SETBP1: variants seen among roughly 807,000 people sequenced by gnomAD.
The protein encoded by SETBP1 is SET-binding protein.
Under a neutral mutation model 101.0 loss-of-function variants are expected in SETBP1, and 9 were observed. The observed-to-expected ratio is 0.09, with a 90% CI of 0.05 to 0.16. SETBP1 has a LOEUF of 0.16. SETBP1 is among the 10% of genes least tolerant of loss of function. The pLI, the probability that SETBP1 is intolerant of heterozygous loss-of-function variation, is 1.00. For synonymous variants in SETBP1, 818 were observed against 788.5 expected (o/e 1.04, Z -0.63); for missense variants, 1,858 against 2,033.8 (o/e 0.91, Z 1.66).
chr18:44,964,011 T>C (rs1233381889), intron 4 of SETBP1, among the ~76,000 whole-genome samples: 2 of 146,260 alleles, frequency 1.4e-5, no homozygotes, highest in Non-Finnish European at 3.0e-5. Flanking sequence ...ATCCATGAGT[T>C]TGGGCTACAC....
At chr18:44,789,185 A>G (rs2071315548) in intron 2 of SETBP1, among the ~76,000 whole-genome samples, 1 of 152,126 alleles carries the variant, frequency 6.6e-6, no homozygotes, top group Admixed American at 6.5e-5. Context: ...GTGACAGTGG[A>G]TAAGAGGAGA....
chr18:44,876,879 T>C, intron 3 of SETBP1: 1 of 1,398,658 alleles, frequency 7.1e-7, no homozygotes, highest in Non-Finnish European at 9.3e-7. Context: ...CTTCTCTGCC[T>C]GCTAGCTAGA....
chr18:44,829,826 G>A (rs1286671943), intron 2 of SETBP1, among the ~76,000 whole-genome samples: 3 of 152,266 alleles, frequency 2.0e-5, no homozygotes, highest in South Asian at 2.1e-4. Context: ...TGTTGTCAAA[G>A]TATATTTTGC....
At chr18:44,960,712 C>A (rs2071594354) in intron 4 of SETBP1, among the ~76,000 whole-genome samples, 1 of 152,036 alleles carries the variant, frequency 6.6e-6, no homozygotes, top group African/African-American at 2.4e-5. Flanking sequence ...CTTCCCTGAC[C>A]ACTCCCTTTC....
At chr18:44,793,287 T>C (rs1475953287) in intron 2 of SETBP1, among the ~76,000 whole-genome samples, 1 of 152,214 alleles carries the variant, frequency 6.6e-6, no homozygotes, top group African/African-American at 2.4e-5. Context: ...TAAGATTATC[T>C]GGGGAGTTTG....
chr18:44,927,981 G>A lies in SETBP1; in HGVS notation c.541-21900G>A, dbSNP rs138507102. Among the ~76,000 whole-genome samples the A allele has an allele frequency of 7.2e-3, 1,103 of 152,240 alleles. 5 individuals are homozygous for A. Among genetic ancestry groups the A allele is most frequent in the Middle Eastern group, 0.02 (6 of 294 alleles). On this transcript the variant is annotated intron_variant, in intron 3 of 5. Transcript: ENST00000649279. ...GTTCTAGGGTACATATGCACAATGTGCAGCTTTGTTACATATGTATACATG... is the reference window on the plus strand; with the variant it reads ...GTTCTAGGGTACATATGCACAATGTACAGCTTTGTTACATATGTATACATG...
intron 2 of SETBP1, among the ~76,000 whole-genome samples, chr18:44,779,583 G>A (rs529875821): frequency 6.6e-6 from 1 of 152,288 alleles, no homozygotes; most frequent in South Asian, 2.1e-4. Context: ...GGATGAGGAA[G>A]AGAGAAAGGG....
Position 44,947,713 on chromosome 18 carries a change from T to C in SETBP1, c.541-2168T>C, listed in dbSNP as rs141706051. Among the ~76,000 whole-genome samples the C allele has an allele frequency of 8.0e-3, 1,210 of 151,954 alleles. 16 individuals are homozygous for C. The highest frequency in any genetic ancestry group is 0.027 in the African/African-American group (1,135 of 41,440). On this transcript the variant is annotated intron_variant, in intron 3 of 5. Transcript: ENST00000649279. ...TAGGGATGAGGTTTCTCCATGTTGG[T>C]CAGGCTGGTCTTGAACGCCCGACCT...
Position 44,812,308 on chromosome 18 carries a change from T to C in SETBP1, c.487-56922T>C, listed in dbSNP as rs78745952. On this transcript the variant is annotated intron_variant, in intron 2 of 5. Transcript: ENST00000649279. ...CCTAAAATACTTGAATAAATTTATGTTTTTGCAAATTCAATAATTTTTTCT... is the reference window on the plus strand; with the variant it reads ...CCTAAAATACTTGAATAAATTTATGCTTTTGCAAATTCAATAATTTTTTCT... Among the ~76,000 whole-genome samples the C allele has an allele frequency of 5.6e-3, 855 of 152,272 alleles. 5 individuals are homozygous for C. The highest frequency in any genetic ancestry group is 0.015 in the African/African-American group (640 of 41,556).
At chr18:44,959,129 T>A (rs1013110326) in intron 4 of SETBP1, among the ~76,000 whole-genome samples, 4 of 152,156 alleles carry the variant, frequency 2.6e-5, no homozygotes, top group African/African-American at 4.8e-5. Flanking sequence ...CTGGTGAAAG[T>A]TTTTATTTTT....
chr18:44,683,458 G>A (rs2068791218), intron 1 of SETBP1, among the ~76,000 whole-genome samples: 1 of 152,178 alleles, frequency 6.6e-6, no homozygotes, highest in Non-Finnish European at 1.5e-5. Flanking sequence ...GAAATAAATA[G>A]GTAGGTACTT....
intron 4 of SETBP1, among the ~76,000 whole-genome samples, chr18:44,980,110 G>A (rs559015756): frequency 1.3e-5 from 2 of 152,272 alleles, no homozygotes; most frequent in East Asian, 3.9e-4. Context: ...GCAAAGCCAG[G>A]AGCCTATAAT....
chr18:44,786,591 A>G (rs2071243324), intron 2 of SETBP1, among the ~76,000 whole-genome samples: 1 of 152,212 alleles, frequency 6.6e-6, no homozygotes, highest in African/African-American at 2.4e-5. Context: ...CAGGGAAGGG[A>G]AAGATTCCAT....
chr18:44,986,058 C>T (rs1325591787), intron 4 of SETBP1: 6 of 152,128 alleles, frequency 3.9e-5, no homozygotes, highest in East Asian at 1.9e-4. Context: ...TTCTGGTGTG[C>T]GTAACCAGAC....
At chr18:44,909,565 C>A (rs2070255037) in intron 3 of SETBP1, among the ~76,000 whole-genome samples, 1 of 152,192 alleles carries the variant, frequency 6.6e-6, no homozygotes, top group African/African-American at 2.4e-5. Context: ...AGAAAGCAAT[C>A]AAACCACAGC....
intron 4 of SETBP1, among the ~76,000 whole-genome samples, chr18:45,035,639 C>A (rs1219352202): frequency 6.6e-6 from 1 of 152,204 alleles, no homozygotes; most frequent in Non-Finnish European, 1.5e-5. Context: ...CTGTTTATGG[C>A]CTTCATGCCC....
chr18:44,758,288 T>C (rs2144573404), intron 2 of SETBP1, among the ~76,000 whole-genome samples: 1 of 152,330 alleles, frequency 6.6e-6, no homozygotes, highest in Middle Eastern at 3.4e-3. Flanking sequence ...ATCATTTTCT[T>C]TACTAATTGG....
At chr18:44,999,501 T>C (rs922326718) in intron 4 of SETBP1, among the ~76,000 whole-genome samples, 2 of 152,186 alleles carry the variant, frequency 1.3e-5, no homozygotes, top group African/African-American at 4.8e-5. Flanking sequence ...GAGTGATACC[T>C]GAAGAAAAAA....
At chr18:44,809,603 A>T (rs1308007915) in intron 2 of SETBP1, among the ~76,000 whole-genome samples, 1 of 152,176 alleles carries the variant, frequency 6.6e-6, no homozygotes, top group Admixed American at 6.5e-5. Context: ...AGGCTCTGTC[A>T]AGCAATTTGT....
Sources: allele counts gnomAD v4.1 joint callset (sites outside exome capture counted in the v4.1 genomes callset), GRCh38; gene constraint gnomAD v4.1.1; transcripts MANE v1.5; gene names NCBI Gene and HGNC (gene_info 2026-07-23, HGNC 2026-07-21).